The following DOCK4 variants were observed in gnomAD, a reference collection of about 807,000 sequenced individuals.
The protein encoded by DOCK4 is dedicator of cytokinesis protein 4.
Under a neutral mutation model 268.1 loss-of-function variants are expected in DOCK4, and 97 were observed. That is an observed-to-expected ratio of 0.36 (90% CI 0.31 to 0.43). DOCK4 has a LOEUF of 0.43. DOCK4 is among the 20% of genes least tolerant of loss of function. DOCK4 has a pLI of 1.00. For synonymous variants in DOCK4, 954 were observed against 887.2 expected, an observed-to-expected ratio of 1.08 and a Z score of -1.34; for missense variants, 2,145 against 2,455.7, an observed-to-expected ratio of 0.87 and a Z score of 2.67.
At chr7:112,044,558 A>G (rs1030586157) in intron 1 of DOCK4, among the ~76,000 whole-genome samples, 3 of 152,112 alleles carry the variant, frequency 2.0e-5, no homozygotes, top group Admixed American at 6.6e-5. Flanking sequence ...CCAAGTGTCT[A>G]CTTGACATCT....
In DOCK4 at chr7:112,137,819, T is replaced by C. The variant is rs374975962; in HGVS notation, c.37+68283A>G. Among the ~76,000 whole-genome samples the C allele has an allele frequency of 2.0e-5, 3 of 152,222 alleles. No homozygotes were observed. In the East Asian group the frequency reaches 5.8e-4, roughly 29 times the overall value. ...ACTAGCTCAGTGACCTTGACCTGAC[T>C]CACACCTCTTTATAATTTTAGTTTT... On this transcript the variant is annotated intron_variant, in intron 1 of 52. Transcript: ENST00000428084.
intron 8 of DOCK4, among the ~76,000 whole-genome samples, chr7:111,947,596 C>G (rs1273059539): frequency 2.0e-4 from 1 of 5,004 alleles, no homozygotes; most frequent in African/African-American, 2.0e-3. Flanking sequence ...GGGAATGACA[C>G]CTATACTGAG....
rs781180031 is a variant in DOCK4 at position 111,811,936 on chromosome 7, T to C, written c.2944A>G (p.Thr982Ala). The C allele has an allele frequency of 1.9e-5, 28 of 1,511,434 alleles. No homozygotes were observed. Among genetic ancestry groups the C allele is most frequent in the Middle Eastern group, 1.7e-4 (1 of 5,868 alleles). The allele number at this position is 1,511,434 out of a possible 1,614,324, so 93.6% of individuals were successfully genotyped here. Residue 982 changes from threonine (T) to alanine (A), a missense_variant, in exon 28 of 53, where the codon ACA becomes GCA. Transcript: ENST00000428084. ...AGTGCATCTGAGAGGTATAGAACTG[T>C]TGTAATAATAACACTAGTGATAAAA... is the stretch of plus-strand genomic sequence containing the variant. ...RLVANNVIIT[T>A]VLYLSDALRK...
At chr7:112,058,297 A>G (rs2135582974) in intron 1 of DOCK4, among the ~76,000 whole-genome samples, 1 of 152,266 alleles carries the variant, frequency 6.6e-6, no homozygotes. Context: ...AGCCTCTGTT[A>G]TAAGGAACAG....
At chr7:111,761,121 T>C (rs1401486558) in intron 39 of DOCK4, among the ~76,000 whole-genome samples, 1 of 151,634 alleles carries the variant, frequency 6.6e-6, no homozygotes, top group Non-Finnish European at 1.5e-5. Flanking sequence ...CATGCAGTGG[T>C]ATGATCTCAG....
At chr7:111,846,907 C>A in intron 24 of DOCK4, 92 bp downstream of exon 24, 7 of 1,404,428 alleles carry the variant, frequency 5.0e-6, no homozygotes, top group Non-Finnish European at 6.6e-6. Flanking sequence ...TCAGAGGCTT[C>A]CTCTTTAGTG....
At chr7:111,751,058 A>G (rs1440349010) in intron 42 of DOCK4, among the ~76,000 whole-genome samples, 1 of 152,198 alleles carries the variant, frequency 6.6e-6, no homozygotes, top group Non-Finnish European at 1.5e-5. Context: ...CAACCCATAA[A>G]AGATTAATGG....
At chr7:112,048,524 T>C (rs866236798) in intron 1 of DOCK4, among the ~76,000 whole-genome samples, 37 of 151,104 alleles carry the variant, frequency 2.4e-4, no homozygotes, top group South Asian at 8.4e-4. Context: ...GATCAAGCCA[T>C]TGCACTCCAG....
At chr7:112,099,717 A>G (rs149373453) in intron 1 of DOCK4, among the ~76,000 whole-genome samples, 49 of 152,352 alleles carry the variant, frequency 3.2e-4, no homozygotes, top group African/African-American at 1.1e-3. Context: ...ACCTCATAAT[A>G]TGTGCATATA....
chr7:112,076,682 T>C (rs1808096534), intron 1 of DOCK4, among the ~76,000 whole-genome samples: 1 of 152,172 alleles, frequency 6.6e-6, no homozygotes, highest in Admixed American at 6.5e-5. Context: ...AAATTCCATA[T>C]AAAGTGTGTT....
chr7:112,159,270 A>G (rs73715488), intron 1 of DOCK4, among the ~76,000 whole-genome samples: 9,149 of 151,802 alleles, frequency 0.06, 852 homozygotes, highest in African/African-American at 0.2. Flanking sequence ...TCACATCTGC[A>G]TCTCTTCTTC....
At chr7:112,039,482 T>C (rs1422275211) in intron 1 of DOCK4, among the ~76,000 whole-genome samples, 1 of 152,032 alleles carries the variant, frequency 6.6e-6, no homozygotes, top group Admixed American at 6.6e-5. Flanking sequence ...GTTGTTGCTG[T>C]TGTTGTTGTT....
intron 1 of DOCK4, among the ~76,000 whole-genome samples, chr7:112,018,569 G>C (rs923384037): frequency 1.3e-5 from 2 of 151,948 alleles, no homozygotes; most frequent in Non-Finnish European, 2.9e-5. Flanking sequence ...TCTTCTCACT[G>C]TAAATTTCAG....
At chr7:111,994,581 C>G (rs2040628) in intron 4 of DOCK4, among the ~76,000 whole-genome samples, 3,022 of 152,266 alleles carry the variant, frequency 0.02, 90 homozygotes, top group East Asian at 0.12. Flanking sequence ...TACATAAACT[C>G]TGAGGTGACT....
At position 111,759,858 on chromosome 7, in the gene DOCK4, C is replaced by A. The variant is rs574682377; in HGVS notation, c.4162+323G>T. ...TGATTTTCTTGAACTTAAGCAGTTTCCACAGGATATGTCAAAGGAAGTTTA... is the reference window on the plus strand; with the variant it reads ...TGATTTTCTTGAACTTAAGCAGTTTACACAGGATATGTCAAAGGAAGTTTA... On this transcript the variant is annotated intron_variant, in intron 40 of 52. Transcript: ENST00000428084. Among the ~76,000 whole-genome samples, 988 of 151,934 alleles carry A rather than the reference C, an allele frequency of 6.5e-3. 15 individuals are homozygous for A. Among genetic ancestry groups the A allele is most frequent in the African/African-American group, 0.023 (944 of 41,396 alleles).
intron 32 of DOCK4, among the ~76,000 whole-genome samples, chr7:111,788,284 T>C (rs1179070676): frequency 6.6e-6 from 1 of 152,236 alleles, no homozygotes; most frequent in Non-Finnish European, 1.5e-5. Flanking sequence ...ATCAGTATCT[T>C]GCTTTGGAAA....
chr7:112,108,005 C>T (rs1455929154), intron 1 of DOCK4, among the ~76,000 whole-genome samples: 1 of 152,192 alleles, frequency 6.6e-6, no homozygotes. Context: ...ACAACAATAA[C>T]TATTTCAGAA....
chr7:111,844,953 T>C (rs1803981364), intron 24 of DOCK4, 56 bp from the exon 25 acceptor site: 6 of 1,551,960 alleles, frequency 3.9e-6, no homozygotes, highest in South Asian at 3.7e-5. Flanking sequence ...TGCATTTCAA[T>C]CTAACAGAAA....
At chr7:112,051,152 T>C (rs536218271) in intron 1 of DOCK4, among the ~76,000 whole-genome samples, 1 of 152,228 alleles carries the variant, frequency 6.6e-6, no homozygotes, top group African/African-American at 2.4e-5. Context: ...TAAAAAATAC[T>C]GTGTTACTTT....
Sources: allele counts gnomAD v4.1 joint callset (sites outside exome capture counted in the v4.1 genomes callset), GRCh38; gene constraint gnomAD v4.1.1; transcripts MANE v1.5; gene names NCBI Gene and HGNC (gene_info 2026-07-23, HGNC 2026-07-21).